The following DMXL2 variants were observed in gnomAD, a reference collection of about 807,000 sequenced individuals.
DMXL2 encodes the protein dmX-like protein 2.
A neutral mutation model predicts 331.1 loss-of-function variants in DMXL2; 103 were observed. The observed-to-expected ratio is 0.31, with a 90% confidence interval of 0.27 to 0.37. DMXL2 has a LOEUF of 0.37. DMXL2 is among the 10% of genes least tolerant of loss of function. The pLI is 1.00. For synonymous variants in DMXL2, 1,281 were observed against 1,252.1 expected (o/e 1.02, Z -0.49); for missense variants, 3,171 against 3,642.9 (o/e 0.87, Z 3.33).
intron 1 of DMXL2, among the ~76,000 whole-genome samples, chr15:51,618,307 G>A (rs1369445443): frequency 1.6e-5 from 2 of 128,524 alleles, no homozygotes; most frequent in South Asian, 4.9e-4. Flanking sequence ...ACTATGTCTT[G>A]TAATTCTTTT....
chr15:51,464,618 C>T (rs2040415978), intron 32 of DMXL2, 57 bp downstream of exon 32: 2 of 1,495,638 alleles, frequency 1.3e-6, no homozygotes, highest in East Asian at 4.5e-5. Context: ...TTTAGCCAAA[C>T]TGTCTTCCAG....
Position 51,537,678 on chromosome 15 carries a change from G to C in DMXL2, c.1427C>G (p.Thr476Ser), listed in dbSNP as rs757537450. Residue 476 changes from threonine (T) to serine (S), a missense_variant, in exon 11 of 44, where the codon ACT becomes AGT. By Grantham distance (58) the Thr-to-Ser change is moderately conservative (BLOSUM62 1). This residue lies in a region of DMXL2 where 1,674 missense variants were observed against 1,780.2 expected (regional missense o/e 0.94). Coordinates refer to ENST00000560891, the MANE Select transcript of DMXL2 (RefSeq NM_001378457.1). The part of the protein sequence containing the change: ...EDGEREGSPR[T>S]YSRLSVPMPL... ...CATTGGTACACTAAGTCGTGAGTAA[G>C]TTCTAGGACTTCCTTCTCTTTCTCC... 488 of 1,613,760 alleles carry C rather than the reference G, an allele frequency of 3.0e-4. No individual in the cohort carries two copies. Among genetic ancestry groups the C allele is most frequent in the Non-Finnish European group, 4.0e-4 (469 of 1,179,888 alleles).
intron 33 of DMXL2, 120 bp downstream of exon 33, chr15:51,463,259 G>A (rs1276625581): frequency 1.3e-5 from 8 of 616,396 alleles, no homozygotes; most frequent in Middle Eastern, 4.5e-4. Flanking sequence ...GTAGTTTAGT[G>A]AACTTTGACT....
chr15:51,494,284 G>C (rs926182209), intron 19 of DMXL2, among the ~76,000 whole-genome samples: 42 of 152,172 alleles, frequency 2.8e-4, no homozygotes, highest in African/African-American at 9.9e-4. Context: ...TAAAGGGTAA[G>C]TGCCATGGGT....
chr15:51,487,987 G>GA lies in DMXL2; in HGVS notation c.5183dup (p.Leu1730AlafsTer14). ...CATCTTTCAATGAACCAGCTAGCAA[G>GA]AAAAAAGCAGCCGATTGTTCAAAGC... is the stretch of plus-strand genomic sequence containing the variant. On this transcript the variant is annotated frameshift_variant, in exon 22 of 44. Coordinates refer to ENST00000560891, the MANE Select transcript of DMXL2 (RefSeq NM_001378457.1). LOFTEE classifies it high-confidence loss of function. The GA allele has an allele frequency of 6.2e-7, 1 of 1,611,600 alleles. No individual in the cohort carries two copies.
intron 6 of DMXL2, among the ~76,000 whole-genome samples, chr15:51,558,503 TATCACATGACA>T (rs1342531724): frequency 6.6e-6 from 1 of 152,240 alleles, no homozygotes; most frequent in African/African-American, 2.4e-5. Context: ...GATGTTTTCA[TATCACATGACA>T]GTTACTGCAT....
At chr15:51,580,391 A>C (rs1419430710) in intron 1 of DMXL2, among the ~76,000 whole-genome samples, 1 of 152,216 alleles carries the variant, frequency 6.6e-6, no homozygotes, top group Admixed American at 6.5e-5. Context: ...AAAGTTAGTA[A>C]ACTAACCTCT....
chr15:51,455,681 G>A (rs962106163), intron 39 of DMXL2, among the ~76,000 whole-genome samples: 1 of 152,156 alleles, frequency 6.6e-6, no homozygotes, highest in African/African-American at 2.4e-5. Context: ...GTGAACCACT[G>A]TGACTGGCCC....
intron 1 of DMXL2, among the ~76,000 whole-genome samples, chr15:51,578,785 A>G (rs574861262): frequency 6.6e-6 from 1 of 152,320 alleles, no homozygotes; most frequent in South Asian, 2.1e-4. Flanking sequence ...AAATTACTGA[A>G]TTACACTGGA....
intron 1 of DMXL2, among the ~76,000 whole-genome samples, chr15:51,593,972 T>C (rs948753918): frequency 5.9e-5 from 9 of 152,116 alleles, no homozygotes; most frequent in African/African-American, 2.2e-4. Flanking sequence ...AGGAAAGATC[T>C]AAAACTGACA....
At chr15:51,572,300 A>G (rs2050727653) in intron 2 of DMXL2, among the ~76,000 whole-genome samples, 1 of 146,112 alleles carries the variant, frequency 6.8e-6, no homozygotes, top group Non-Finnish European at 1.5e-5. Context: ...TTAATAGCCT[A>G]CCAACCAAAA....
intron 1 of DMXL2, among the ~76,000 whole-genome samples, chr15:51,602,954 GACA>G (rs1185298655): frequency 1.3e-5 from 2 of 152,176 alleles, no homozygotes; most frequent in African/African-American, 2.4e-5. Context: ...CAAGAGAAGA[GACA>G]ACAAGACACA....
Position 51,547,230 on chromosome 15 carries a change from C to G in DMXL2, c.746G>C (p.Arg249Thr). 6.3e-7 allele frequency: 1 copy of G among 1,598,682 alleles called. No homozygotes were observed. The highest frequency in any genetic ancestry group is 8.5e-7 in the Non-Finnish European group (1 of 1,174,158). ...AAGCTACATGATTCATTCATCTAACCTGGGCATATACTTGCTAGTTTTGCG... is the reference window on the plus strand; with the variant it reads ...AAGCTACATGATTCATTCATCTAACGTGGGCATATACTTGCTAGTTTTGCG... ...SWRKTSKYMP[R>T]GSVCNVLLTS... Residue 249 changes from arginine to threonine, a missense_variant and splice_region_variant, in exon 7 of 44, where the codon AGG (arginine) becomes ACG (threonine). This residue lies in a region of DMXL2 where 1,674 missense variants were observed against 1,780.2 expected (regional missense o/e 0.94). Transcript: ENST00000560891.
At position 51,536,649 on chromosome 15, in the gene DMXL2, T is replaced by C; in HGVS notation, c.1831A>G (p.Met611Val). 1 of 1,614,164 alleles carries C rather than the reference T, an allele frequency of 6.2e-7. No individual in the cohort carries two copies. The highest frequency in any genetic ancestry group is 8.5e-7 in the Non-Finnish European group (1 of 1,179,990). Reference protein sequence around the residue: ...THMNILAPTVMMISKHIDGSL... With the variant: ...THMNILAPTVVMISKHIDGSL... The stretch of plus-strand genomic sequence containing the variant: ...CCATCTATGTGTTTAGAGATCATCA[T>C]TACTGTGGGAGCTAAGATGTTCATA... Residue 611 changes from methionine to valine, a missense_variant, in exon 12 of 44, where the codon ATG becomes GTG. Met to Val is a conservative substitution (Grantham distance 21). Around this residue, in one of 7 missense-constraint regions of DMXL2, gnomAD observed 1,674 missense variants for 1,780.2 expected, o/e 0.94. Transcript: ENST00000560891.
At chr15:51,563,289 T>C in intron 6 of DMXL2, 92 bp downstream of exon 6, 1 of 1,097,522 alleles carries the variant, frequency 9.1e-7, no homozygotes. Flanking sequence ...TATCCCAGTT[T>C]TACAGATGAG....
Position 51,507,303 on chromosome 15 carries a change from T to A in DMXL2, c.2645-50A>T, listed in dbSNP as rs781013639. 3.9e-6 allele frequency: 6 copies of A among 1,527,274 alleles called. No individual in the cohort carries two copies. In the South Asian group the frequency reaches 7.6e-5, roughly 19 times the overall value. 94.6% of individuals were successfully genotyped at this position (1,527,274 alleles called of 1,614,324 possible). A position where few individuals can be genotyped will look rare whatever the true frequency, so the allele number is the denominator to read the frequency against. On this transcript the variant is annotated intron_variant, in intron 15 of 43. Coordinates refer to ENST00000560891, the MANE Select transcript of DMXL2 (RefSeq NM_001378457.1). ...TTAAATTAGTATGTTTTTATGGGGT[T>A]AAAAAAACACTTTTTAAAAGCTACC...
At chr15:51,592,636 TG>T (rs2052469164) in intron 1 of DMXL2, among the ~76,000 whole-genome samples, 1 of 152,026 alleles carries the variant, frequency 6.6e-6, no homozygotes, top group Admixed American at 6.6e-5. Flanking sequence ...AAAGTTGAAA[TG>T]AAGGAAAAAA....
At chr15:51,567,787 A>T (rs1326021247) in intron 3 of DMXL2, 1 of 152,460 alleles carries the variant, frequency 6.6e-6, no homozygotes, top group Non-Finnish European at 1.5e-5. Context: ...TTTTTATCTG[A>T]AAGAAATATG....
chr15:51,545,838 T>C (rs2048859301), intron 7 of DMXL2, 72 bp from the exon 8 acceptor site: 1 of 1,341,192 alleles, frequency 7.5e-7, no homozygotes, highest in Non-Finnish European at 1.0e-6. Flanking sequence ...ATTTTGGTTC[T>C]TCATGCATAA....
Sources: gnomAD v4.1 joint callset for allele counts (sites outside exome capture counted in the v4.1 genomes callset) on GRCh38, gnomAD v4.1.1 for gene constraint, gnomAD v4.1.1 regional missense constraint, MANE v1.5 for transcripts, NCBI Gene and HGNC (gene_info 2026-07-23, HGNC 2026-07-21) for gene names.